RAB38: variants seen among roughly 807,000 people sequenced by gnomAD.
RAB38 encodes the protein RAB38, member RAS oncogene family, also known as ras-related protein Rab-38.
RAB38 carries 15 observed loss-of-function variants against 18.4 expected under a neutral mutation model. The observed-to-expected ratio is 0.82, with a 90% confidence interval of 0.55 to 1.26. The LOEUF is 1.26. RAB38 is among the 50% of genes most tolerant of loss of function. The pLI is 0.00. For missense variants in RAB38, 294 were observed against 267.4 expected (o/e 1.10, Z -0.69); for synonymous variants, 101 against 104.4 (o/e 0.97, Z 0.20).
chr11:88,016,757 G>GA, the RAB38 span, among the ~76,000 whole-genome samples: 30 of 152,228 alleles, frequency 2.0e-4, no homozygotes, highest in South Asian at 5.8e-3. Flanking sequence ...ACTCAGCAAA[G>GA]AAAACACCAT....
At chr11:87,873,206 T>C in the RAB38 span, among the ~76,000 whole-genome samples, 3 of 151,600 alleles carry the variant, frequency 2.0e-5, no homozygotes, top group East Asian at 5.9e-4. Context: ...TATATGATGT[T>C]GAGCATCTTT....
chr11:88,110,778 C>G, downstream of RAB38, among the ~76,000 whole-genome samples: 1 of 146,098 alleles, frequency 6.8e-6, no homozygotes. Flanking sequence ...CGCACCACTG[C>G]ACTTCAGCCT....
chr11:88,042,955 C>A, the RAB38 span, among the ~76,000 whole-genome samples: 2 of 152,158 alleles, frequency 1.3e-5, no homozygotes, highest in African/African-American at 4.8e-5. Flanking sequence ...TTAAGGGTAG[C>A]AACAAGTACC....
the RAB38 span, among the ~76,000 whole-genome samples, chr11:88,038,864 C>G: frequency 6.6e-6 from 1 of 152,174 alleles, no homozygotes; most frequent in African/African-American, 2.4e-5. Flanking sequence ...ATATAATCCA[C>G]ATTGCAATCA....
chr11:87,949,023 C>T, the RAB38 span, among the ~76,000 whole-genome samples: 1 of 151,964 alleles, frequency 6.6e-6, no homozygotes, highest in Non-Finnish European at 1.5e-5. Flanking sequence ...TGGTCCTGGA[C>T]TTTTTTTGGT....
At chr11:88,034,571 T>TCACTAG in the RAB38 span, among the ~76,000 whole-genome samples, 19 of 152,248 alleles carry the variant, frequency 1.2e-4, no homozygotes, top group Non-Finnish European at 4.4e-5. Context: ...CTTATTGTAG[T>TCACTAG]TTAAATTTGC....
the RAB38 span, among the ~76,000 whole-genome samples, chr11:87,847,524 A>G: frequency 6.6e-6 from 1 of 152,096 alleles, no homozygotes; most frequent in South Asian, 2.1e-4. Flanking sequence ...TCAAAACAAA[A>G]CAAAATAACT....
the RAB38 span, among the ~76,000 whole-genome samples, chr11:88,070,209 C>T: frequency 6.6e-6 from 1 of 152,184 alleles, no homozygotes. Context: ...CACAAACCCA[C>T]TAGGAGGAAT....
intron 1 of RAB38, among the ~76,000 whole-genome samples, chr11:88,152,964 C>G (rs1044748721): frequency 2.6e-5 from 4 of 152,220 alleles, no homozygotes; most frequent in African/African-American, 4.8e-5. Flanking sequence ...CCCCAATGCT[C>G]TTAAACTCAT....
the RAB38 span, among the ~76,000 whole-genome samples, chr11:87,844,909 G>T: frequency 1.3e-5 from 2 of 152,160 alleles, no homozygotes; most frequent in Non-Finnish European, 2.9e-5. Context: ...AGACACACAT[G>T]TGTGGGCACA....
chr11:87,973,564 A>C, the RAB38 span, among the ~76,000 whole-genome samples: 2 of 148,854 alleles, frequency 1.3e-5, no homozygotes, highest in African/African-American at 2.4e-5. Context: ...CTAACCAAAG[A>C]ATCAGTTAGT....
chr11:87,850,214 T>G, the RAB38 span, among the ~76,000 whole-genome samples: 103 of 152,280 alleles, frequency 6.8e-4, no homozygotes, highest in African/African-American at 2.1e-3. Context: ...AAACATTGAT[T>G]CAACAAAATA....
chr11:87,892,574 C>T, the RAB38 span, among the ~76,000 whole-genome samples: 1 of 151,820 alleles, frequency 6.6e-6, no homozygotes, highest in Non-Finnish European at 1.5e-5. Flanking sequence ...CATAGCCAAT[C>T]AAGCTCTAGC....
At chr11:87,868,504 T>C in the RAB38 span, among the ~76,000 whole-genome samples, 3 of 147,934 alleles carry the variant, frequency 2.0e-5, no homozygotes, top group Non-Finnish European at 4.5e-5. Context: ...TAAGACATTA[T>C]GTGACAAAGA....
At chr11:87,904,390 C>T in the RAB38 span, among the ~76,000 whole-genome samples, 2 of 151,756 alleles carry the variant, frequency 1.3e-5, no homozygotes, top group African/African-American at 4.8e-5. Context: ...TGGCCTCCAG[C>T]TGCATCCATG....
At chr11:87,854,414 C>G in the RAB38 span, among the ~76,000 whole-genome samples, 1 of 152,104 alleles carries the variant, frequency 6.6e-6, no homozygotes, top group South Asian at 2.1e-4. Flanking sequence ...TTCTCATGTT[C>G]TCTTACATTC....
At chr11:88,045,215 G>A in the RAB38 span, among the ~76,000 whole-genome samples, 141 of 152,096 alleles carry the variant, frequency 9.3e-4, no homozygotes, top group African/African-American at 3.1e-3. Context: ...ATCTGCTCCC[G>A]ACATTAAATA....
chr11:88,149,155 C>G (rs961315431), intron 2 of RAB38, among the ~76,000 whole-genome samples: 2 of 152,160 alleles, frequency 1.3e-5, no homozygotes, highest in African/African-American at 4.8e-5. Flanking sequence ...ATGCTGTGTT[C>G]TTCACATTTG....
At chr11:87,829,229 T>C in the RAB38 span, among the ~76,000 whole-genome samples, 1 of 152,152 alleles carries the variant, frequency 6.6e-6, no homozygotes, top group African/African-American at 2.4e-5. Context: ...AACTATTGGG[T>C]AGTATGATCA....
Sources: gnomAD v4.1 joint callset for allele counts (sites outside exome capture counted in the v4.1 genomes callset) on GRCh38, gnomAD v4.1.1 for gene constraint, MANE v1.5 for transcripts, NCBI Gene and HGNC (gene_info 2026-07-23, HGNC 2026-07-21) for gene names.